ITGA5: variants seen among roughly 807,000 people sequenced by gnomAD.
ITGA5 encodes the protein integrin alpha-5.
ITGA5 carries 55 observed loss-of-function variants against 146.3 expected under a neutral mutation model. The observed-to-expected ratio is 0.38, with a 90% CI of 0.30 to 0.47. The LOEUF is 0.47. ITGA5 is among the 20% of genes least tolerant of loss of function. The pLI is 0.99. For missense variants in ITGA5, 1,131 were observed against 1,329.0 expected, an observed-to-expected ratio of 0.85 and a Z score of 2.32; for synonymous variants, 500 against 531.8, an observed-to-expected ratio of 0.94 and a Z score of 0.82.
chr12:54,404,045 C>T (rs1184861672), intron 15 of ITGA5, 79 bp from the exon 16 acceptor site: 33 of 1,574,928 alleles, frequency 2.1e-5, no homozygotes, highest in Non-Finnish European at 2.7e-5. Flanking sequence ...CCAGCCAGAC[C>T]CAGACTAGGA....
Position 54,404,851 on chromosome 12 carries a change from T to G in ITGA5, c.1269A>C (p.Gly423=), listed in dbSNP as rs1227585726. 3 of 1,607,712 alleles carry G rather than the reference T, an allele frequency of 1.9e-6. No homozygotes were observed. Among genetic ancestry groups the G allele is most frequent in the Non-Finnish European group, 2.5e-6 (3 of 1,177,636 alleles). ...GGCCCCCAGGAAATACAAACACTAC[T>G]CCCTGCTGGGTCTCCCCACCAAAGG... ...GAPFGGETQQ[G]VVFVFPGGPG... Residue 423 remains glycine, a synonymous_variant, in exon 13 of 30, where the codon GGA becomes GGC. Coordinates refer to ENST00000293379, the MANE Select transcript of ITGA5 (RefSeq NM_002205.5).
In ITGA5 at chr12:54,409,014, G is replaced by T; in HGVS notation, c.584-60C>A. The T allele has an allele frequency of 6.5e-7, 1 of 1,546,424 alleles. No homozygotes were observed. Among genetic ancestry groups the T allele is most frequent in the Non-Finnish European group, 8.9e-7 (1 of 1,121,108 alleles). ...CATAGATGGGTCATCCAGGAAAGAA[G>T]AGAGGGCATAGGGAAGGAGGTGGGA... On this transcript the variant is annotated intron_variant, in intron 4 of 29. Coordinates refer to ENST00000293379, the MANE Select transcript of ITGA5 (RefSeq NM_002205.5). The surrounding 1 kb of genome is among the most constrained non-coding windows in gnomAD (Gnocchi z 4.7).
chr12:54,401,761 ACACTCACT>A lies in ITGA5; in HGVS notation c.2306+7_2306+14del. The stretch of plus-strand genomic sequence containing the variant: ...TCCCCAGCTCAGCCCCAGCCTAGAC[ACACTCACT>A]CCCTACCTGAGGATCTGGAAGTCAA... On this transcript the variant is annotated splice_region_variant and intron_variant, in intron 22 of 29. Transcript: ENST00000293379. The surrounding 1 kb of genome is among the most constrained non-coding windows in gnomAD (Gnocchi z 5.0). The A allele has an allele frequency of 6.2e-7, 1 of 1,613,512 alleles. No homozygotes were observed. The highest frequency in any genetic ancestry group is 1.1e-5 in the South Asian group (1 of 91,062).
Position 54,396,165 on chromosome 12 carries a change from C to G in ITGA5, c.*128G>C, listed in dbSNP as rs2120450311. On this transcript the variant is annotated 3_prime_UTR_variant, in exon 30 of 30. Coordinates refer to ENST00000293379, the MANE Select transcript of ITGA5 (RefSeq NM_002205.5). ...TGGCTCTGGCCCTTCAAGTATGTCTCTGGGCTGGGGAGAGGAGCTTCTCCC... is the reference window on the plus strand; with the variant it reads ...TGGCTCTGGCCCTTCAAGTATGTCTGTGGGCTGGGGAGAGGAGCTTCTCCC... 1 of 716,102 alleles carries G rather than the reference C, an allele frequency of 1.4e-6. No individual in the cohort carries two copies. The allele number at this position is 716,102 out of a possible 1,614,324, so 44.4% of individuals were successfully genotyped here. A position where few individuals can be genotyped will look rare whatever the true frequency, so the allele number is the denominator to read the frequency against.
Position 54,407,669 on chromosome 12 carries a change from C to T in ITGA5, c.886G>A (p.Gly296Arg). ...CTTACATAGCCGTAAGTGAGGTTCC[C>T]TTTGGGCACACCAGCAACAAAGTCT... is the stretch of plus-strand genomic sequence containing the variant. ...TEDFVAGVPK[G>R]NLTYGYVTIL... The change falls in exon 9 of 30, where the codon GGG (glycine) becomes AGG (arginine). Residue 296 changes from glycine to arginine, a missense_variant. Transcript: ENST00000293379. 6.2e-7 allele frequency: 1 copy of T among 1,613,830 alleles called. No homozygotes were observed.
chr12:54,408,709 CAAAAAAAA>C (rs762766669), intron 6 of ITGA5, 39 bp downstream of exon 6: 84 of 1,196,214 alleles, frequency 7.0e-5, no homozygotes, highest in Non-Finnish European at 8.3e-5. Context: ...GACTTCGTCT[CAAAAAAAA>C]AAAAAAAAAA....
rs1565640541 is a variant in ITGA5, at chr12:54,403,586, C to G, written c.1776+39G>C. ...GGTGCCCTCAGTTCTGTGTGGCCAC[C>G]CTCCCTGGCCAGTCCACACCCCGCC... On this transcript the variant is annotated intron_variant, in intron 17 of 29. Transcript: ENST00000293379. This position sits in a 1 kb window ranked among gnomAD's most constrained non-coding sequence, Gnocchi z 4.9. 1.3e-6 allele frequency: 2 copies of G among 1,584,348 alleles called. No individual in the cohort carries two copies. Among genetic ancestry groups the G allele is most frequent in the South Asian group, 2.3e-5 (2 of 88,474 alleles).
chr12:54,404,582 G>A (rs1198419158), intron 13 of ITGA5, 107 bp from the exon 14 acceptor site: 14 of 1,496,898 alleles, frequency 9.4e-6, no homozygotes, highest in African/African-American at 1.4e-5. Context: ...TGAGAAGACA[G>A]CGCCCTCTGT....
At chr12:54,408,865 C>T in intron 5 of ITGA5, 28 bp downstream of exon 5, 2 of 1,613,736 alleles carry the variant, frequency 1.2e-6, no homozygotes, top group African/African-American at 2.7e-5. Flanking sequence ...CCACCCACGG[C>T]CCCTTCTCTC....
chr12:54,400,009 C>A, intron 25 of ITGA5, 62 bp from the exon 26 acceptor site: 1 of 1,230,752 alleles, frequency 8.1e-7, no homozygotes, highest in East Asian at 2.3e-5. Context: ...CAGCTTGCAC[C>A]TGGGTTCCAG....
Position 54,408,654 on chromosome 12 carries a change from C to A in ITGA5, c.691+102G>T, listed in dbSNP as rs555662174. On this transcript the variant is annotated intron_variant, in intron 6 of 29. Transcript: ENST00000293379. The stretch of plus-strand genomic sequence containing the variant: ...GGCAGGAGAATCGCTTGAACCTGGG[C>A]AGCAGAGGTTGTGCCACTGCACTCC... The A allele has an allele frequency of 8.8e-6, 9 of 1,025,894 alleles. No individual in the cohort carries two copies. The African/African-American group carries it at 1.2e-4, about 14-fold the overall frequency. The allele number at this position is 1,025,894 out of a possible 1,614,324, so 63.5% of individuals were successfully genotyped here. A position where few individuals can be genotyped will look rare whatever the true frequency, so the allele number is the denominator to read the frequency against.
intron 1 of ITGA5, chr12:54,412,170 A>G: frequency 4.4e-6 from 2 of 453,406 alleles, no homozygotes; most frequent in Non-Finnish European, 7.9e-6. Flanking sequence ...TGTCACTAAC[A>G]CAACCCTCCC....
In ITGA5 at chr12:54,395,335, T is replaced by C. The variant is rs1355584250; in HGVS notation, c.*958A>G. 6.5e-6 allele frequency: 1 copy of C among 152,714 alleles called. No individual in the cohort carries two copies. Among genetic ancestry groups the C allele is most frequent in the East Asian group, 1.9e-4 (1 of 5,198 alleles). The allele number at this position is 152,714 out of a possible 1,614,324, so 9.5% of individuals were successfully genotyped here. Reference sequence around the variant, plus strand: ...ACAGAGTTTAAATAAGTCCTGGGTGTCTGGTGCCAAGGTGAGGGAAGGGTT... The same window carrying C: ...ACAGAGTTTAAATAAGTCCTGGGTGCCTGGTGCCAAGGTGAGGGAAGGGTT... On this transcript the variant is annotated 3_prime_UTR_variant, in exon 30 of 30. Coordinates refer to ENST00000293379, the MANE Select transcript of ITGA5 (RefSeq NM_002205.5).
chr12:54,410,202 AC>A (rs1312954654), intron 2 of ITGA5, among the ~76,000 whole-genome samples: 3 of 151,980 alleles, frequency 2.0e-5, no homozygotes, highest in Admixed American at 2.0e-4. Context: ...CTGCTTTCTC[AC>A]CCAACTGAGA....
At position 54,414,491 on chromosome 12, in the gene ITGA5, C is replaced by G. The variant is rs148552774; in HGVS notation, c.219-2527G>C. Among the ~76,000 whole-genome samples, 168 of 152,278 alleles carry G rather than the reference C, an allele frequency of 1.1e-3. 1 individual carries two copies. Among genetic ancestry groups the G allele is most frequent in the African/African-American group, 3.9e-3 (162 of 41,540 alleles). ...GAATTATATCAACTTATGTGGGAAC[C>G]TGGTTATCTCATGCTGGTCAGAAAC... On this transcript the variant is annotated intron_variant, in intron 1 of 29. Coordinates refer to ENST00000293379, the MANE Select transcript of ITGA5 (RefSeq NM_002205.5).
In ITGA5 at chr12:54,409,193, G is replaced by C. The variant is rs1955908122; in HGVS notation, c.583+39C>G. 6.3e-7 allele frequency: 1 copy of C among 1,588,414 alleles called. No individual in the cohort carries two copies. Among genetic ancestry groups the C allele is most frequent in the African/African-American group, 1.4e-5 (1 of 73,954 alleles). Reference sequence around the variant, plus strand: ...TATGTGAGACACTTCAAGTATATGAGAAGGCAGACATGGGGCACAGGCCCC... The same window carrying C: ...TATGTGAGACACTTCAAGTATATGACAAGGCAGACATGGGGCACAGGCCCC... On this transcript the variant is annotated intron_variant, in intron 4 of 29. Transcript: ENST00000293379. The surrounding 1 kb of genome is among the most constrained non-coding windows in gnomAD (Gnocchi z 4.7).
chr12:54,410,088 CT>C (rs1217980534), intron 2 of ITGA5, among the ~76,000 whole-genome samples: 1 of 151,992 alleles, frequency 6.6e-6, no homozygotes, highest in East Asian at 1.9e-4. Flanking sequence ...AACTCCTGAC[CT>C]CATGACCTGC....
chr12:54,415,882 A>T (rs983475003), intron 1 of ITGA5, among the ~76,000 whole-genome samples: 1 of 148,514 alleles, frequency 6.7e-6, no homozygotes, highest in Non-Finnish European at 1.5e-5. Flanking sequence ...GGGAACAAGG[A>T]GCTGAGCTGA....
chr12:54,397,844 T>C lies in ITGA5; in HGVS notation c.2944-357A>G, dbSNP rs142162509. ...ACTAACAGCATTCTGAACTTAAAAA[T>C]TGAAGTTCCTAAAATGTACAATATT... On this transcript the variant is annotated intron_variant, in intron 28 of 29. Transcript: ENST00000293379. Among the ~76,000 whole-genome samples the C allele has an allele frequency of 5.5e-4, 84 of 152,310 alleles. No individual in the cohort carries two copies. The East Asian group carries it at 0.011, about 20-fold the overall frequency.
Sources: allele counts gnomAD v4.1 joint callset (sites outside exome capture counted in the v4.1 genomes callset), GRCh38; gene constraint gnomAD v4.1.1; non-coding constraint Gnocchi (gnomAD v3.1); transcripts MANE v1.5; gene names NCBI Gene and HGNC (gene_info 2026-07-23, HGNC 2026-07-21).